RORA: variants seen among roughly 807,000 people sequenced by gnomAD.
RORA encodes nuclear receptor ROR-alpha.
RORA carries 7 observed loss-of-function variants against 69.5 expected under a neutral mutation model. The observed-to-expected ratio is 0.10, with a 90% CI of 0.06 to 0.19. The LOEUF is 0.19. Among genes scored for constraint, RORA ranks in the 10% least tolerant of loss-of-function variants. The pLI is 1.00. For synonymous variants in RORA, 261 were observed against 240.8 expected, an observed-to-expected ratio of 1.08 and a Z score of -0.78; for missense variants, 457 against 663.0, an observed-to-expected ratio of 0.69 and a Z score of 3.41.
At chr15:60,919,590 T>C (rs1363168504) in intron 1 of RORA, among the ~76,000 whole-genome samples, 1 of 152,202 alleles carries the variant, frequency 6.6e-6, no homozygotes, top group Non-Finnish European at 1.5e-5. Flanking sequence ...ACGGCACCTA[T>C]ACAAAGACTC....
chr15:60,544,437 C>A (rs1416648573), intron 2 of RORA, among the ~76,000 whole-genome samples: 1 of 152,176 alleles, frequency 6.6e-6, no homozygotes, highest in Non-Finnish European at 1.5e-5. Context: ...AGCTAGAACA[C>A]CGTTTTTATA....
chr15:60,702,772 T>C (rs1010297006), intron 1 of RORA, among the ~76,000 whole-genome samples: 2 of 152,234 alleles, frequency 1.3e-5, no homozygotes, highest in African/African-American at 4.8e-5. Context: ...GATTTTTCTA[T>C]GATGCTATGT....
intron 2 of RORA, among the ~76,000 whole-genome samples, chr15:60,533,267 G>A (rs976878452): frequency 1.3e-5 from 2 of 152,104 alleles, no homozygotes; most frequent in African/African-American, 4.8e-5. Context: ...TTTCTTTGCT[G>A]TCCAAATTTA....
intron 1 of RORA, among the ~76,000 whole-genome samples, chr15:60,723,621 T>C (rs781656691): frequency 5.3e-5 from 8 of 152,094 alleles, no homozygotes; most frequent in Non-Finnish European, 1.0e-4. Flanking sequence ...AAAACAAATA[T>C]GGAATAAACT....
At chr15:60,713,921 G>C (rs1437065932) in intron 1 of RORA, among the ~76,000 whole-genome samples, 1 of 152,344 alleles carries the variant, frequency 6.6e-6, no homozygotes, top group Non-Finnish European at 1.5e-5. Context: ...TTCAAGCTAA[G>C]ACTTTGCAGG....
intron 2 of RORA, among the ~76,000 whole-genome samples, chr15:60,611,559 CA>C (rs533598270): frequency 6.2e-3 from 221 of 35,774 alleles, no homozygotes; most frequent in Admixed American, 0.013. Flanking sequence ...TTGAGTTTTG[CA>C]AAAAAAAAAA....
intron 1 of RORA, among the ~76,000 whole-genome samples, chr15:61,136,425 T>C (rs949907277): frequency 3.9e-5 from 6 of 152,200 alleles, no homozygotes; most frequent in Non-Finnish European, 7.3e-5. Context: ...ATCAAATGTT[T>C]GGAGTCTCAT....
chr15:60,701,743 C>T (rs1280511085), intron 1 of RORA, among the ~76,000 whole-genome samples: 1 of 152,148 alleles, frequency 6.6e-6, no homozygotes, highest in Admixed American at 6.5e-5. Context: ...GAGAGAGGAA[C>T]GGTGCTCCTC....
intron 1 of RORA, among the ~76,000 whole-genome samples, chr15:60,771,059 T>G (rs1333457830): frequency 6.6e-6 from 1 of 152,256 alleles, no homozygotes; most frequent in Non-Finnish European, 1.5e-5. Flanking sequence ...GTATTTTTAT[T>G]TGCTAAATCT....
At position 60,489,814 on chromosome 15, in the gene RORA, CTG is replaced by C. The variant is rs762509938; in HGVS notation, c.*7639_*7640del. 9.9e-5 allele frequency: 15 copies of C among 152,038 alleles called. No individual in the cohort carries two copies. The highest frequency in any genetic ancestry group is 1.7e-4 in the African/African-American group (7 of 41,378). The allele number at this position is 152,038 out of a possible 1,614,324, so 9.4% of individuals were successfully genotyped here. ...TCTATAATAGGAGCTAAGAATACAA[CTG>C]TGTTAGGTGCCAGTAATACAATTCC... On this transcript the variant is annotated 3_prime_UTR_variant, in exon 11 of 11. Coordinates refer to ENST00000335670, the MANE Select transcript of RORA (RefSeq NM_134261.3).
At chr15:61,217,906 C>A (rs546440856) in intron 1 of RORA, among the ~76,000 whole-genome samples, 1 of 152,148 alleles carries the variant, frequency 6.6e-6, no homozygotes, top group South Asian at 2.1e-4. Flanking sequence ...ATTTTCCCTC[C>A]CCCTCCTCCT....
rs1334361896 is a variant in RORA at position 60,488,376 on chromosome 15, T to C, written c.*9079A>G. 3 of 152,246 alleles carry C rather than the reference T, an allele frequency of 2.0e-5. No individual in the cohort carries two copies. Among genetic ancestry groups the C allele is most frequent in the Non-Finnish European group, 4.4e-5 (3 of 68,038 alleles). 9.4% of individuals were successfully genotyped at this position (152,246 alleles called of 1,614,324 possible). The stretch of plus-strand genomic sequence containing the variant: ...CAATGCACTTTTAATAAAGGTAATG[T>C]AATATTAAAGGTACAGTTTCTAAGT... On this transcript the variant is annotated 3_prime_UTR_variant, in exon 11 of 11. Coordinates refer to ENST00000335670, the MANE Select transcript of RORA (RefSeq NM_134261.3).
At chr15:60,738,671 T>C (rs2140846168) in intron 1 of RORA, among the ~76,000 whole-genome samples, 1 of 152,352 alleles carries the variant, frequency 6.6e-6, no homozygotes, top group Admixed American at 6.5e-5. Context: ...TTAAAATAGT[T>C]TTGTTGGTCC....
At chr15:60,509,793 G>GGA (rs1555423600) in intron 5 of RORA, among the ~76,000 whole-genome samples, 2,604 of 144,946 alleles carry the variant, frequency 0.018, 74 homozygotes, top group African/African-American at 0.063. Flanking sequence ...TCTAGTTCAA[G>GGA]AAAAAAAAAA....
chr15:60,887,799 G>T (rs945072668), intron 1 of RORA, among the ~76,000 whole-genome samples: 3 of 152,170 alleles, frequency 2.0e-5, no homozygotes, highest in Non-Finnish European at 4.4e-5. Flanking sequence ...CCGGCACCTT[G>T]CTGCGGGCAT....
intron 1 of RORA, among the ~76,000 whole-genome samples, chr15:60,937,764 C>G (rs1030465858): frequency 6.6e-6 from 1 of 152,182 alleles, no homozygotes; most frequent in African/African-American, 2.4e-5. Context: ...CCCAGCCACT[C>G]TGGCCATCTG....
chr15:60,949,534 T>A (rs1893016158), intron 1 of RORA, among the ~76,000 whole-genome samples: 2 of 152,132 alleles, frequency 1.3e-5, no homozygotes, highest in African/African-American at 4.8e-5. Context: ...AAAGTACAAC[T>A]CAGAGCCCTC....
At chr15:61,135,256 A>G (rs1260965409) in intron 1 of RORA, among the ~76,000 whole-genome samples, 1 of 151,922 alleles carries the variant, frequency 6.6e-6, no homozygotes, top group East Asian at 1.9e-4. Flanking sequence ...ACTTGAACAC[A>G]GGAGGTGGAG....
At chr15:61,223,142 C>T (rs544892562) in intron 1 of RORA, among the ~76,000 whole-genome samples, 8 of 151,902 alleles carry the variant, frequency 5.3e-5, no homozygotes, top group East Asian at 1.9e-4. Context: ...GGTGAAACCC[C>T]GTCTCTACTA....
Sources: gnomAD v4.1 joint callset for allele counts (sites outside exome capture counted in the v4.1 genomes callset) on GRCh38, gnomAD v4.1.1 for gene constraint, MANE v1.5 for transcripts, NCBI Gene and HGNC (gene_info 2026-07-23, HGNC 2026-07-21) for gene names.